PARN: variants seen among roughly 807,000 people sequenced by gnomAD.
PARN encodes poly(A)-specific ribonuclease PARN.
PARN carries 71 observed loss-of-function variants against 102.8 expected under a neutral mutation model. The observed-to-expected ratio is 0.69, with a 90% CI of 0.57 to 0.84. The LOEUF (loss-of-function observed/expected upper bound fraction) is 0.84. Ranked by LOEUF, PARN falls within the 40% of genes least tolerant of loss-of-function variation. The pLI, the probability that PARN is intolerant of heterozygous loss-of-function variation, is 0.00. For missense variants in PARN, 782 were observed against 760.9 expected, an observed-to-expected ratio of 1.03 and a Z score of -0.33; for synonymous variants, 261 against 252.9, an observed-to-expected ratio of 1.03 and a Z score of -0.30.
At chr16:14,563,678 G>C (rs1170496374) in intron 18 of PARN, among the ~76,000 whole-genome samples, 1 of 150,528 alleles carries the variant, frequency 6.6e-6, no homozygotes, top group African/African-American at 2.4e-5. Flanking sequence ...TGGAATGACA[G>C]GTGCACACCA....
chr16:14,451,388 C>T (rs1356603866), intron 22 of PARN, among the ~76,000 whole-genome samples: 2 of 152,232 alleles, frequency 1.3e-5, no homozygotes, highest in Admixed American at 6.5e-5. Flanking sequence ...AAACTAGGAG[C>T]AGTGCATCAA....
At chr16:14,615,330 T>G (rs892131702) in intron 6 of PARN, among the ~76,000 whole-genome samples, 6 of 151,608 alleles carry the variant, frequency 4.0e-5, no homozygotes, top group Non-Finnish European at 5.9e-5. Context: ...AAGTTAGAAC[T>G]ATGCATCCAT....
chr16:14,487,889 T>C (rs1041918252), intron 21 of PARN, among the ~76,000 whole-genome samples: 5 of 152,268 alleles, frequency 3.3e-5, no homozygotes, highest in Admixed American at 6.5e-5. Context: ...TTATTATACA[T>C]CAATTAAACC....
chr16:14,620,793 G>A (rs961072504), intron 5 of PARN, among the ~76,000 whole-genome samples: 3 of 152,200 alleles, frequency 2.0e-5, no homozygotes, highest in South Asian at 4.1e-4. Flanking sequence ...TATGGACCAC[G>A]GAATGACTGT....
At chr16:14,627,075 A>T in intron 5 of PARN, 31 bp downstream of exon 5, 1 of 1,300,972 alleles carries the variant, frequency 7.7e-7, no homozygotes, top group Non-Finnish European at 1.1e-6. Flanking sequence ...TCAGCAATTC[A>T]GAAAAGAAAA....
At chr16:14,443,802 A>G (rs1345769159) in intron 23 of PARN, among the ~76,000 whole-genome samples, 6 of 152,070 alleles carry the variant, frequency 3.9e-5, no homozygotes, top group Admixed American at 3.9e-4. Context: ...TCATGCCCTC[A>G]CTGCCAGTGC....
chr16:14,482,511 T>C (rs1242293686), intron 22 of PARN, 127 bp downstream of exon 22: 2 of 666,088 alleles, frequency 3.0e-6, no homozygotes, highest in Non-Finnish European at 2.5e-6. Context: ...ACTTCTGATA[T>C]GATGTGAAAA....
At chr16:14,549,334 C>A (rs1012591818) in intron 21 of PARN, among the ~76,000 whole-genome samples, 3 of 152,110 alleles carry the variant, frequency 2.0e-5, no homozygotes, top group Admixed American at 1.3e-4. Context: ...ATTCCCTATT[C>A]AAACACACAT....
At chr16:14,585,403 G>T (rs1299041798) in intron 14 of PARN, among the ~76,000 whole-genome samples, 1 of 145,386 alleles carries the variant, frequency 6.9e-6, no homozygotes, top group Non-Finnish European at 1.5e-5. Context: ...TGTGAACAGA[G>T]TGGGTAACAG....
At chr16:14,531,324 C>T (rs1041227570) in intron 21 of PARN, among the ~76,000 whole-genome samples, 15 of 151,468 alleles carry the variant, frequency 9.9e-5, no homozygotes, top group Admixed American at 6.6e-5. Context: ...ATCACACCAC[C>T]GCACTCCAGC....
intron 22 of PARN, among the ~76,000 whole-genome samples, chr16:14,448,996 A>G (rs974705771): frequency 6.6e-6 from 1 of 152,232 alleles, no homozygotes. Flanking sequence ...TTTAAAGACT[A>G]GAAAAAGTTC....
chr16:14,525,519 G>A (rs756548393), intron 21 of PARN, among the ~76,000 whole-genome samples: 6 of 152,122 alleles, frequency 3.9e-5, no homozygotes, highest in Non-Finnish European at 8.8e-5. Flanking sequence ...AAGCTTCCAG[G>A]AGATGAGGGA....
chr16:14,482,824 A>G lies in PARN; in HGVS notation c.1484T>C (p.Val495Ala). ...GCTTTCTGCATATTTGCTGGTATTG[A>G]CAGCTACAAGGAAAAGAAAAAAAAA... ...LSQPEQVKIA[V>A]NTSKYAESYR... The change falls in exon 22 of 24, where the codon GTC becomes GCC. Residue 495 changes from valine to alanine, a missense_variant. Transcript: ENST00000437198. 6.2e-7 allele frequency: 1 copy of G among 1,604,592 alleles called. No homozygotes were observed. Among genetic ancestry groups the G allele is most frequent in the Non-Finnish European group, 8.5e-7 (1 of 1,176,870 alleles).
At chr16:14,596,018 A>G (rs891881186) in intron 12 of PARN, among the ~76,000 whole-genome samples, 5 of 152,166 alleles carry the variant, frequency 3.3e-5, no homozygotes, top group African/African-American at 9.7e-5. Context: ...AGACACAGAA[A>G]TATAGCTGTG....
At chr16:14,541,382 A>G (rs1245121594) in intron 21 of PARN, among the ~76,000 whole-genome samples, 1 of 152,184 alleles carries the variant, frequency 6.6e-6, no homozygotes, top group African/African-American at 2.4e-5. Flanking sequence ...GGAGCAATCT[A>G]AGCTAAGTTC....
chr16:14,524,033 G>T (rs893659921), intron 21 of PARN, among the ~76,000 whole-genome samples: 1 of 152,092 alleles, frequency 6.6e-6, no homozygotes, highest in African/African-American at 2.4e-5. Flanking sequence ...CACAGAAAAG[G>T]TATAGTAAAA....
At chr16:14,508,169 T>TAGGCAGGCAGGC (rs141732478) in intron 21 of PARN, among the ~76,000 whole-genome samples, 6,544 of 151,898 alleles carry the variant, frequency 0.043, 154 homozygotes, top group African/African-American at 0.055. Flanking sequence ...ACAAATAACA[T>TAGGCAGGCAGGC]AGGCAGGCAG....
chr16:14,489,204 A>T (rs989261656), intron 21 of PARN, among the ~76,000 whole-genome samples: 1 of 152,218 alleles, frequency 6.6e-6, no homozygotes, highest in African/African-American at 2.4e-5. Context: ...CAGGAGAACT[A>T]GAGAGGAGAA....
At chr16:14,437,219 T>C (rs1960743181) in intron 23 of PARN, among the ~76,000 whole-genome samples, 1 of 152,194 alleles carries the variant, frequency 6.6e-6, no homozygotes, top group Non-Finnish European at 1.5e-5. Flanking sequence ...TGACCAGATG[T>C]ACAGAGCTAG....
Sources: allele counts gnomAD v4.1 joint callset (sites outside exome capture counted in the v4.1 genomes callset), GRCh38; gene constraint gnomAD v4.1.1; transcripts MANE v1.5; gene names NCBI Gene and HGNC (gene_info 2026-07-23, HGNC 2026-07-21).